SH3BGRL2: variants seen among roughly 807,000 people sequenced by gnomAD.
The protein encoded by SH3BGRL2 is SH3 domain-binding glutamic acid-rich-like protein 2.
SH3BGRL2 carries 21 observed loss-of-function variants against 14.8 expected under a neutral mutation model. The observed-to-expected ratio is 1.42, with a 90% confidence interval of 1.01 to 2.05. The LOEUF is 2.05. Ranked by LOEUF, SH3BGRL2 falls within the 30% of genes most tolerant of loss-of-function variation. The probability of loss-of-function intolerance (pLI) is 0.00; values close to 1 mark genes in which losing one functional copy is unlikely to be tolerated. For missense variants in SH3BGRL2, 147 were observed against 130.8 expected, an observed-to-expected ratio of 1.12 and a Z score of -0.61; for synonymous variants, 50 against 47.8, an observed-to-expected ratio of 1.05 and a Z score of -0.19.
At chr6:79,610,162 T>G in the SH3BGRL2 span, among the ~76,000 whole-genome samples, 194 of 152,294 alleles carry the variant, frequency 1.3e-3, no homozygotes, top group South Asian at 0.012. Context: ...TGGTGAAAGA[T>G]TCCAAAAAGG....
the SH3BGRL2 span, among the ~76,000 whole-genome samples, chr6:79,606,222 G>C: frequency 6.6e-6 from 1 of 152,246 alleles, no homozygotes; most frequent in African/African-American, 2.4e-5. Flanking sequence ...AGTTGGCCCT[G>C]CTTAGCCTCT....
chr6:79,553,818 A>G, the SH3BGRL2 span, among the ~76,000 whole-genome samples: 1 of 152,102 alleles, frequency 6.6e-6, no homozygotes, highest in Non-Finnish European at 1.5e-5. Context: ...CAAAAAATAC[A>G]AAAAATTAGC....
At chr6:79,649,910 A>C (rs1479287161) in intron 1 of SH3BGRL2, among the ~76,000 whole-genome samples, 1 of 150,810 alleles carries the variant, frequency 6.6e-6, no homozygotes, top group East Asian at 1.9e-4. Flanking sequence ...GTCTGAGTGA[A>C]CCTCTTGACC....
At chr6:79,631,696 G>A (rs935437238) in intron 1 of SH3BGRL2, among the ~76,000 whole-genome samples, 190 bp downstream of exon 1, 1 of 152,154 alleles carries the variant, frequency 6.6e-6, no homozygotes, top group African/African-American at 2.4e-5. Context: ...GGGGGACCCC[G>A]GCCTCACCCA....
At chr6:79,621,224 A>G in the SH3BGRL2 span, among the ~76,000 whole-genome samples, 1 of 152,190 alleles carries the variant, frequency 6.6e-6, no homozygotes, top group African/African-American at 2.4e-5. Flanking sequence ...CAAGGCACAG[A>G]TGCTGCTATG....
intron 1 of SH3BGRL2, among the ~76,000 whole-genome samples, chr6:79,663,892 G>C (rs1376365458): frequency 6.6e-6 from 1 of 152,152 alleles, no homozygotes; most frequent in African/African-American, 2.4e-5. Context: ...CCCTCCCCCA[G>C]CCAGGCTGCT....
At chr6:79,586,291 T>A in the SH3BGRL2 span, among the ~76,000 whole-genome samples, 2 of 147,504 alleles carry the variant, frequency 1.4e-5, no homozygotes, top group Non-Finnish European at 3.0e-5. Flanking sequence ...TGTTAGTGTA[T>A]TTTACATGTG....
At chr6:79,687,424 G>A (rs1770118374) in intron 2 of SH3BGRL2, among the ~76,000 whole-genome samples, 1 of 152,004 alleles carries the variant, frequency 6.6e-6, no homozygotes, top group Non-Finnish European at 1.5e-5. Flanking sequence ...GAACCTGTAT[G>A]GTCAGAACTA....
chr6:79,564,285 G>A, the SH3BGRL2 span, among the ~76,000 whole-genome samples: 81 of 151,990 alleles, frequency 5.3e-4, no homozygotes, highest in East Asian at 0.011. Flanking sequence ...AAAAATGAAC[G>A]ATTACATTTG....
At chr6:79,615,340 GA>G in the SH3BGRL2 span, among the ~76,000 whole-genome samples, 53 of 152,188 alleles carry the variant, frequency 3.5e-4, no homozygotes, top group Middle Eastern at 3.4e-3. Context: ...GATATTGTTC[GA>G]AAAAAATAAC....
At chr6:79,609,991 C>A in the SH3BGRL2 span, among the ~76,000 whole-genome samples, 2,513 of 152,280 alleles carry the variant, frequency 0.017, 49 homozygotes, top group Non-Finnish European at 0.022. Flanking sequence ...TTAGAAATAT[C>A]ATTCTTCAAC....
chr6:79,599,029 C>G, the SH3BGRL2 span, among the ~76,000 whole-genome samples: 1 of 142,822 alleles, frequency 7.0e-6, no homozygotes, highest in Admixed American at 7.2e-5. Context: ...TGCAGTGAGC[C>G]AAGATTGCGC....
chr6:79,582,104 A>G, the SH3BGRL2 span, among the ~76,000 whole-genome samples: 1 of 152,150 alleles, frequency 6.6e-6, no homozygotes, highest in African/African-American at 2.4e-5. Flanking sequence ...CTTCAAGGAG[A>G]ACTACAAACC....
the SH3BGRL2 span, among the ~76,000 whole-genome samples, chr6:79,570,831 CA>C: frequency 3.3e-5 from 5 of 152,120 alleles, no homozygotes; most frequent in African/African-American, 4.8e-5. Flanking sequence ...GGGAAAAAAA[CA>C]AAAACTCAAG....
chr6:79,671,746 G>A (rs1769777964), intron 1 of SH3BGRL2, among the ~76,000 whole-genome samples: 1 of 152,184 alleles, frequency 6.6e-6, no homozygotes, highest in Non-Finnish European at 1.5e-5. Flanking sequence ...GTAGGCTGAT[G>A]TGTTTCTCTA....
chr6:79,593,683 C>A, the SH3BGRL2 span, among the ~76,000 whole-genome samples: 1 of 152,140 alleles, frequency 6.6e-6, no homozygotes, highest in Non-Finnish European at 1.5e-5. Flanking sequence ...GGTTTGTAGT[C>A]ATTTTTCATG....
intron 1 of SH3BGRL2, among the ~76,000 whole-genome samples, chr6:79,638,246 G>A (rs933341888): frequency 2.0e-5 from 3 of 152,128 alleles, no homozygotes; most frequent in African/African-American, 7.2e-5. Flanking sequence ...TTCACTTAAT[G>A]TAATGTCCTT....
intron 2 of SH3BGRL2, among the ~76,000 whole-genome samples, chr6:79,677,540 A>G (rs1218470247): frequency 6.6e-6 from 1 of 152,180 alleles, no homozygotes; most frequent in Non-Finnish European, 1.5e-5. Flanking sequence ...GTGAGTGTCC[A>G]GGGGTGATGG....
chr6:79,640,270 T>C (rs1007863098), intron 1 of SH3BGRL2, among the ~76,000 whole-genome samples: 12 of 152,200 alleles, frequency 7.9e-5, no homozygotes, highest in Non-Finnish European at 1.6e-4. Context: ...CTGTCAGCAC[T>C]GGCTAGTTTC....
Sources: gnomAD v4.1 joint callset for allele counts (sites outside exome capture counted in the v4.1 genomes callset) on GRCh38, gnomAD v4.1.1 for gene constraint, MANE v1.5 for transcripts, NCBI Gene and HGNC (gene_info 2026-07-23, HGNC 2026-07-21) for gene names.